NRG3: variants seen among roughly 807,000 people sequenced by gnomAD.
NRG3 encodes neuregulin 3.
In NRG3, 31 loss-of-function variants were observed where a neutral mutation model predicts 66.9. That is an observed-to-expected ratio of 0.46 (90% CI 0.35 to 0.63). NRG3 has a LOEUF of 0.63. NRG3 is among the 20% of genes least tolerant of loss of function. The probability of loss-of-function intolerance (pLI) is 0.00; values close to 1 mark genes in which losing one functional copy is unlikely to be tolerated. For missense variants in NRG3, 910 were observed against 878.9 expected (o/e 1.04, Z -0.45); for synonymous variants, 393 against 359.4 (o/e 1.09, Z -1.06).
At chr10:81,906,744 C>T (rs558552133) in intron 1 of NRG3, among the ~76,000 whole-genome samples, 8 of 152,028 alleles carry the variant, frequency 5.3e-5, no homozygotes, top group Admixed American at 2.0e-4. Context: ...AGAAAATAGA[C>T]GAGATGGAGG....
chr10:82,361,534 A>G (rs989459694), intron 2 of NRG3, among the ~76,000 whole-genome samples: 1 of 152,198 alleles, frequency 6.6e-6, no homozygotes, highest in African/African-American at 2.4e-5. Flanking sequence ...ACAGCACTCT[A>G]TTTAAGTAGT....
chr10:82,023,362 C>T (rs10884047), intron 1 of NRG3, among the ~76,000 whole-genome samples: 55,435 of 151,794 alleles, frequency 0.37, 10,110 homozygotes, highest in Middle Eastern at 0.42. Flanking sequence ...TTCCCTTGCC[C>T]AATTGTGCTG....
At chr10:81,978,428 T>C (rs1303306515) in intron 1 of NRG3, among the ~76,000 whole-genome samples, 1 of 152,188 alleles carries the variant, frequency 6.6e-6, no homozygotes, top group East Asian at 1.9e-4. Context: ...TTCAGGACCT[T>C]GGACAGCTTC....
chr10:82,414,154 T>G (rs2088345208), intron 2 of NRG3, among the ~76,000 whole-genome samples: 1 of 152,144 alleles, frequency 6.6e-6, no homozygotes, highest in African/African-American at 2.4e-5. Flanking sequence ...CTAAGCTTAA[T>G]CATTTCCAGC....
chr10:82,671,206 G>A (rs955543105), intron 2 of NRG3, among the ~76,000 whole-genome samples: 1 of 152,176 alleles, frequency 6.6e-6, no homozygotes, highest in Non-Finnish European at 1.5e-5. Flanking sequence ...GCAACACTGT[G>A]ACTCCTTTGT....
At position 82,556,541 on chromosome 10, in the gene NRG3, C is replaced by G. The variant is rs557278620; in HGVS notation, c.954-182036C>G. Among the ~76,000 whole-genome samples the G allele has an allele frequency of 2.9e-3, 447 of 152,110 alleles. 1 individual carries two copies. The highest frequency in any genetic ancestry group is 5.1e-3 in the Non-Finnish European group (348 of 67,994). On this transcript the variant is annotated intron_variant, in intron 2 of 8. Transcript: ENST00000372141. ...TAAATGCCGACCAATGGCATCTGCC[C>G]TTCTTCTCTCTGTGGCCTGCTTTGC...
At chr10:82,766,993 G>GAT (rs750147080) in intron 3 of NRG3, among the ~76,000 whole-genome samples, 63 of 143,728 alleles carry the variant, frequency 4.4e-4, no homozygotes, top group Middle Eastern at 3.6e-3. Flanking sequence ...ATATATTGTG[G>GAT]ATATATATAT....
Position 82,828,820 on chromosome 10 carries a change from C to T in NRG3, c.1028-36591C>T, listed in dbSNP as rs574580384. On this transcript the variant is annotated intron_variant, in intron 3 of 8. Transcript: ENST00000372141. ...GGAATAAAATCAAATCAGACACCAA[C>T]ATAACCAGCTTCTTCCGCCTTCCCT... Among the ~76,000 whole-genome samples the T allele has an allele frequency of 4.0e-4, 61 of 152,264 alleles. 2 individuals are homozygous for T. The South Asian group carries it at 9.9e-3, about 25-fold the overall frequency.
At chr10:82,732,942 G>T (rs1270949931) in intron 2 of NRG3, among the ~76,000 whole-genome samples, 12 of 152,136 alleles carry the variant, frequency 7.9e-5, no homozygotes, top group African/African-American at 2.9e-4. Flanking sequence ...GCATTTAATA[G>T]CCCTGTTAAA....
chr10:82,616,848 C>A (rs759670691), intron 2 of NRG3, among the ~76,000 whole-genome samples: 11 of 152,140 alleles, frequency 7.2e-5, no homozygotes, highest in African/African-American at 9.7e-5. Context: ...CTGGCCCAAA[C>A]CCTCTATTAG....
intron 2 of NRG3, among the ~76,000 whole-genome samples, chr10:82,386,851 G>A (rs2086030495): frequency 6.6e-6 from 1 of 152,036 alleles, no homozygotes; most frequent in South Asian, 2.1e-4. Flanking sequence ...CCAGGCTGGA[G>A]TGCAGTGGCA....
chr10:82,384,120 A>G (rs1278392705), intron 2 of NRG3, among the ~76,000 whole-genome samples: 1 of 152,098 alleles, frequency 6.6e-6, no homozygotes, highest in Non-Finnish European at 1.5e-5. Flanking sequence ...CCTTAATACC[A>G]TTATATTAAT....
intron 2 of NRG3, among the ~76,000 whole-genome samples, chr10:82,524,204 C>T (rs904943341): frequency 6.6e-6 from 1 of 151,916 alleles, no homozygotes; most frequent in African/African-American, 2.4e-5. Context: ...AACCCACGAG[C>T]CATCTAATAG....
intron 1 of NRG3, among the ~76,000 whole-genome samples, chr10:82,165,858 A>G (rs2072007808): frequency 6.6e-6 from 1 of 151,958 alleles, no homozygotes; most frequent in African/African-American, 2.4e-5. Flanking sequence ...ACAGACTCAA[A>G]TAAATAGCTG....
At chr10:82,954,835 C>T (rs749951136) in intron 5 of NRG3, among the ~76,000 whole-genome samples, 2 of 150,726 alleles carry the variant, frequency 1.3e-5, no homozygotes, top group African/African-American at 2.5e-5. Context: ...TGTGTGAATT[C>T]GTGGATTTCC....
intron 1 of NRG3, among the ~76,000 whole-genome samples, chr10:82,016,541 T>G (rs2061794515): frequency 6.6e-6 from 1 of 152,108 alleles, no homozygotes; most frequent in Admixed American, 6.6e-5. Flanking sequence ...TTATTTGCCA[T>G]AAAATAGGCT....
At chr10:82,315,120 G>A (rs3904721) in intron 1 of NRG3, among the ~76,000 whole-genome samples, 73,303 of 151,996 alleles carry the variant, frequency 0.48, 21,199 homozygotes, top group African/African-American at 0.81. Context: ...TATGGTCCAT[G>A]GTTAAAATGA....
chr10:82,103,432 A>T (rs1049538801), intron 1 of NRG3, among the ~76,000 whole-genome samples: 1 of 152,164 alleles, frequency 6.6e-6, no homozygotes, highest in African/African-American at 2.4e-5. Flanking sequence ...TTAGGTTTGG[A>T]CTGTGAGTGT....
intron 2 of NRG3, among the ~76,000 whole-genome samples, chr10:82,513,068 C>G (rs974193014): frequency 1.3e-5 from 2 of 152,156 alleles, no homozygotes; most frequent in African/African-American, 4.8e-5. Flanking sequence ...AGATGTTAAG[C>G]CCAGCATGCA....
Sources: gnomAD v4.1 joint callset for allele counts (sites outside exome capture counted in the v4.1 genomes callset) on GRCh38, gnomAD v4.1.1 for gene constraint, MANE v1.5 for transcripts, NCBI Gene and HGNC (gene_info 2026-07-23, HGNC 2026-07-21) for gene names.